MGST2: variants seen among roughly 807,000 people sequenced by gnomAD.
MGST2 encodes microsomal glutathione S-transferase 2.
Under a neutral mutation model 16.6 loss-of-function variants are expected in MGST2, and 9 were observed. The ratio of observed to expected loss-of-function variants is 0.54; its 90% CI spans 0.33 to 0.95. The LOEUF is 0.95. Among genes scored for constraint, MGST2 ranks in the 40% least tolerant of loss-of-function variants. MGST2 has a pLI of 0.03. For synonymous variants in MGST2, 79 were observed against 68.0 expected (o/e 1.16, Z -0.79); for missense variants, 159 against 175.1 (o/e 0.91, Z 0.52).
chr4:139,709,071 A>ATT (rs377191495), downstream of MGST2, among the ~76,000 whole-genome samples: 110 of 82,026 alleles, frequency 1.3e-3, 1 homozygote, highest in African/African-American at 3.3e-3. Context: ...AATGGAAAAA[A>ATT]TTTTTTTTTT....
downstream of MGST2, among the ~76,000 whole-genome samples, chr4:139,744,654 C>T (rs754916690): frequency 1.3e-5 from 2 of 152,224 alleles, no homozygotes; most frequent in Non-Finnish European, 2.9e-5. Flanking sequence ...AGTACCCCAG[C>T]ACAATGGCAG....
chr4:139,737,982 C>T (rs1034485883), intron 5 of MGST2, among the ~76,000 whole-genome samples: 1 of 152,234 alleles, frequency 6.6e-6, no homozygotes, highest in Non-Finnish European at 1.5e-5. Context: ...GCAGCAATAA[C>T]TTGGGGCCCA....
intron 2 of MGST2, among the ~76,000 whole-genome samples, chr4:139,694,750 T>C (rs1234721991): frequency 1.3e-5 from 2 of 152,220 alleles, no homozygotes; most frequent in South Asian, 2.1e-4. Context: ...GAATGAAATA[T>C]GCTCACTGAT....
intron 5 of MGST2, among the ~76,000 whole-genome samples, chr4:139,714,279 G>C (rs993782955): frequency 2.0e-5 from 3 of 152,198 alleles, no homozygotes; most frequent in African/African-American, 7.2e-5. Flanking sequence ...ACTAGCCTTA[G>C]AATTCTTTTT....
intron 3 of MGST2, among the ~76,000 whole-genome samples, chr4:139,700,127 C>CTTTTTTTTTTTTTTTTTTTTTTTTT (rs56662682): frequency 3.6e-5 from 3 of 82,974 alleles, no homozygotes; most frequent in African/African-American, 5.1e-5. Context: ...TTTGGTTTTG[C>CTTTTTTTTTTTTTTTTTTTTTTTTT]TTTTTTTTTT....
intron 3 of MGST2, among the ~76,000 whole-genome samples, chr4:139,702,867 T>TTTTTTTTTTTTTTTTTTTTC (rs767366469): frequency 1.5e-5 from 2 of 132,384 alleles, no homozygotes; most frequent in African/African-American, 2.7e-5. Flanking sequence ...TTTTTTTTTT[T>TTTTTTTTTTTTTTTTTTTTC]TTTACAATTT....
chr4:139,673,693 T>C (rs1011480296), intron 1 of MGST2, among the ~76,000 whole-genome samples: 1 of 152,008 alleles, frequency 6.6e-6, no homozygotes, highest in Non-Finnish European at 1.5e-5. Context: ...GAATTACAGG[T>C]GTGAACCACC....
chr4:139,678,732 T>A (rs1731089585), intron 2 of MGST2, 90 bp downstream of exon 2: 2 of 969,264 alleles, frequency 2.1e-6, no homozygotes, highest in South Asian at 2.7e-5. Context: ...GAGAAGACCC[T>A]AAGTTCATGT....
intron 3 of MGST2, among the ~76,000 whole-genome samples, chr4:139,700,506 A>T (rs913487580): frequency 1.3e-5 from 2 of 152,120 alleles, no homozygotes; most frequent in African/African-American, 4.8e-5. Flanking sequence ...CCTTCATATG[A>T]GGGAGGGTCT....
chr4:139,730,946 C>G (rs1728683127), intron 5 of MGST2: 1 of 454,834 alleles, frequency 2.2e-6, no homozygotes, highest in Non-Finnish European at 4.0e-6. Flanking sequence ...TGCATATAGA[C>G]TGGATTTTCA....
downstream of MGST2, among the ~76,000 whole-genome samples, chr4:139,741,995 C>T (rs1480546923): frequency 1.3e-5 from 2 of 152,018 alleles, no homozygotes; most frequent in Non-Finnish European, 2.9e-5. Context: ...GACACACGGG[C>T]ATAAAAATAA....
intron 4 of MGST2, 100 bp from the exon 5 acceptor site, chr4:139,703,916 G>A: frequency 6.7e-7 from 1 of 1,487,230 alleles, no homozygotes; most frequent in Admixed American, 1.7e-5. Context: ...AAATATAGAA[G>A]TTCTGGACAG....
chr4:139,670,368 C>G (rs1046100839), intron 1 of MGST2, among the ~76,000 whole-genome samples: 2 of 151,890 alleles, frequency 1.3e-5, no homozygotes, highest in Non-Finnish European at 2.9e-5. Context: ...ACCCAAGAAG[C>G]CTTCAGTGGG....
At chr4:139,696,941 C>T (rs1726957127) in intron 3 of MGST2, among the ~76,000 whole-genome samples, 2 of 151,920 alleles carry the variant, frequency 1.3e-5, no homozygotes, top group African/African-American at 4.8e-5. Context: ...TGTTTGGGGG[C>T]AAGTAGACTA....
intron 2 of MGST2, among the ~76,000 whole-genome samples, chr4:139,689,994 A>T: frequency 6.6e-6 from 1 of 152,070 alleles, no homozygotes; most frequent in East Asian, 1.9e-4. Flanking sequence ...TCCTTTAATT[A>T]AAAAAAATTT....
At chr4:139,689,688 C>T (rs1726461057) in intron 2 of MGST2, among the ~76,000 whole-genome samples, 1 of 152,170 alleles carries the variant, frequency 6.6e-6, no homozygotes, top group South Asian at 2.1e-4. Flanking sequence ...AGCAAACTTC[C>T]TTTGAATTGC....
downstream of MGST2, among the ~76,000 whole-genome samples, chr4:139,706,090 T>C (rs1238895696): frequency 2.6e-5 from 4 of 152,104 alleles, no homozygotes; most frequent in Non-Finnish European, 5.9e-5. Flanking sequence ...AAAATATTAA[T>C]AGAAAAAGAA....
At chr4:139,679,875 A>AT (rs8192068) in intron 2 of MGST2, among the ~76,000 whole-genome samples, 16,007 of 152,214 alleles carry the variant, frequency 0.11, 1,173 homozygotes, top group Non-Finnish European at 0.16. Flanking sequence ...TGGAGCCAGC[A>AT]TGTCCCACAC....
At chr4:139,680,781 A>C (rs1731202180) in intron 2 of MGST2, among the ~76,000 whole-genome samples, 1 of 152,112 alleles carries the variant, frequency 6.6e-6, no homozygotes, top group African/African-American at 2.4e-5. Flanking sequence ...CCTTACCCTT[A>C]GAGTTTTTGA....
Sources: allele counts gnomAD v4.1 joint callset (sites outside exome capture counted in the v4.1 genomes callset), GRCh38; gene constraint gnomAD v4.1.1; transcripts MANE v1.5; gene names NCBI Gene and HGNC (gene_info 2026-07-23, HGNC 2026-07-21).